Variants in FBXL17 observed in about 807,000 individuals in gnomAD.
The protein encoded by FBXL17 is F-box and leucine rich repeat protein 17.
Under a neutral mutation model 66.2 loss-of-function variants are expected in FBXL17, and 22 were observed. The observed-to-expected ratio is 0.33, with a 90% CI of 0.24 to 0.47. FBXL17 has a LOEUF of 0.47. Ranked by LOEUF, FBXL17 falls within the 20% of genes least tolerant of loss-of-function variation. The probability of loss-of-function intolerance (pLI) is 1.00; values close to 1 mark genes in which losing one functional copy is unlikely to be tolerated. For missense variants in FBXL17, 878 were observed against 948.2 expected (o/e 0.93, Z 0.97); for synonymous variants, 474 against 400.5 (o/e 1.18, Z -2.19).
chr5:107,956,117 C>T (rs1580245658), intron 7 of FBXL17, among the ~76,000 whole-genome samples: 1 of 152,072 alleles, frequency 6.6e-6, no homozygotes, highest in Admixed American at 6.6e-5. Context: ...AAGTCAATTT[C>T]TTTTTCCTTC....
At chr5:108,094,182 T>C (rs1481361530) in intron 6 of FBXL17, among the ~76,000 whole-genome samples, 1 of 152,140 alleles carries the variant, frequency 6.6e-6, no homozygotes, top group East Asian at 1.9e-4. Flanking sequence ...GTGTGCTCTT[T>C]TCAGTCATTG....
chr5:108,027,073 C>T (rs1754853659), intron 6 of FBXL17, among the ~76,000 whole-genome samples: 2 of 152,074 alleles, frequency 1.3e-5, no homozygotes, highest in Admixed American at 1.3e-4. Context: ...AAGTAATATA[C>T]CAACAAAATA....
At chr5:107,938,496 A>G (rs1750983941) in intron 7 of FBXL17, among the ~76,000 whole-genome samples, 2 of 152,168 alleles carry the variant, frequency 1.3e-5, no homozygotes, top group African/African-American at 4.8e-5. Context: ...TGTAGTCAGA[A>G]GAAGTAGCAT....
In FBXL17 at chr5:108,348,616, A is replaced by AT. The variant is rs1747432768; in HGVS notation, c.1375-87dup. On this transcript the variant is annotated intron_variant, in intron 3 of 8. Transcript: ENST00000542267. ...GAGATTTTCATATAATTTTTTGAAA[A>AT]TAACCACGTCAGAGTTAAATATTTA... 1.8e-5 allele frequency: 26 copies of AT among 1,411,154 alleles called. No homozygotes were observed. The East Asian group carries it at 6.2e-4, about 33-fold the overall frequency. The allele number at this position is 1,411,154 out of a possible 1,614,324, so 87.4% of individuals were successfully genotyped here.
intron 4 of FBXL17, among the ~76,000 whole-genome samples, chr5:108,285,763 G>A (rs1561507315): frequency 6.6e-6 from 1 of 151,432 alleles, no homozygotes; most frequent in Non-Finnish European, 1.5e-5. Context: ...CCTACAAACA[G>A]TGGACTTTAC....
At chr5:108,313,260 C>A (rs571777227) in intron 4 of FBXL17, among the ~76,000 whole-genome samples, 1 of 152,248 alleles carries the variant, frequency 6.6e-6, no homozygotes, top group African/African-American at 2.4e-5. Flanking sequence ...GTGATCACAA[C>A]TTCTCTGGAA....
At chr5:108,355,374 C>T (rs937928032) in intron 3 of FBXL17, among the ~76,000 whole-genome samples, 6 of 151,746 alleles carry the variant, frequency 4.0e-5, no homozygotes, top group Admixed American at 1.3e-4. Context: ...CTGCAACCTC[C>T]GCCTCCCAGG....
At chr5:107,897,979 G>A (rs1350760232) in intron 7 of FBXL17, among the ~76,000 whole-genome samples, 1 of 151,994 alleles carries the variant, frequency 6.6e-6, no homozygotes, top group Non-Finnish European at 1.5e-5. Context: ...CTGATCTTGG[G>A]GAAATTCAAG....
At chr5:108,301,405 A>G (rs145997959) in intron 4 of FBXL17, among the ~76,000 whole-genome samples, 2 of 151,858 alleles carry the variant, frequency 1.3e-5, no homozygotes, top group Non-Finnish European at 2.9e-5. Flanking sequence ...TAATTTTACT[A>G]AATTTATTTT....
At position 107,861,880 on chromosome 5, in the gene FBXL17, A is replaced by C; in HGVS notation, c.1966-20T>G. The stretch of plus-strand genomic sequence containing the variant: ...GTTGACCTGCAAACAAAGAAGAGTC[A>C]CCATCACGCACAGAGACCACCAACA... On this transcript the variant is annotated intron_variant, in intron 8 of 8. Transcript: ENST00000542267. The C allele has an allele frequency of 6.7e-7, 1 of 1,485,820 alleles. No homozygotes were observed. The highest frequency in any genetic ancestry group is 9.0e-7 in the Non-Finnish European group (1 of 1,107,424). 92.0% of individuals were successfully genotyped at this position (1,485,820 alleles called of 1,614,324 possible). A position where few individuals can be genotyped will look rare whatever the true frequency, so the allele number is the denominator to read the frequency against.
At chr5:108,132,023 C>A (rs1451258103) in intron 6 of FBXL17, among the ~76,000 whole-genome samples, 1 of 150,040 alleles carries the variant, frequency 6.7e-6, no homozygotes, top group African/African-American at 2.5e-5. Flanking sequence ...GTTGCCCAGG[C>A]TGGAGTGCAA....
chr5:108,356,799 G>C (rs764046782), intron 3 of FBXL17, among the ~76,000 whole-genome samples: 6 of 151,956 alleles, frequency 3.9e-5, no homozygotes, highest in African/African-American at 7.2e-5. Context: ...TACCAAGAGT[G>C]AACCCTAACA....
At chr5:108,203,194 T>G (rs1194695732) in intron 5 of FBXL17, among the ~76,000 whole-genome samples, 2 of 152,134 alleles carry the variant, frequency 1.3e-5, no homozygotes, top group Non-Finnish European at 2.9e-5. Flanking sequence ...CTTTTTTTTT[T>G]CATTGTTCAA....
intron 1 of FBXL17, among the ~76,000 whole-genome samples, chr5:108,380,388 A>T (rs73781345): frequency 0.048 from 7,227 of 151,958 alleles, 587 homozygotes; most frequent in African/African-American, 0.17. Context: ...CGATTAAAAA[A>T]TTTTTTTTTC....
chr5:108,238,543 T>C (rs534687776), intron 4 of FBXL17, among the ~76,000 whole-genome samples: 1 of 152,310 alleles, frequency 6.6e-6, no homozygotes, highest in Non-Finnish European at 1.5e-5. Context: ...CAGGGTCTCA[T>C]TCTGTCACCC....
chr5:107,948,958 C>T (rs868545490), intron 7 of FBXL17, among the ~76,000 whole-genome samples: 1 of 152,120 alleles, frequency 6.6e-6, no homozygotes, highest in African/African-American at 2.4e-5. Flanking sequence ...ACTAATGAAG[C>T]CTTTCTAAAA....
At chr5:108,297,683 T>TG (rs1017749204) in intron 4 of FBXL17, 1 of 261,952 alleles carries the variant, frequency 3.8e-6, no homozygotes, top group African/African-American at 2.3e-5. Context: ...TCTGAAACAT[T>TG]GCTTTCAAAA....
At chr5:107,916,568 T>C (rs564159007) in intron 7 of FBXL17, among the ~76,000 whole-genome samples, 3 of 151,752 alleles carry the variant, frequency 2.0e-5, no homozygotes, top group Admixed American at 6.7e-5. Context: ...TATTCAACAA[T>C]AAATAGACAT....
At chr5:108,005,093 C>CTTTT (rs35383958) in intron 7 of FBXL17, among the ~76,000 whole-genome samples, 2 of 143,754 alleles carry the variant, frequency 1.4e-5, no homozygotes, top group African/African-American at 5.1e-5. Flanking sequence ...TTTTCAATGA[C>CTTTT]TTTTTTTTTT....
Sources: gnomAD v4.1 joint callset for allele counts (sites outside exome capture counted in the v4.1 genomes callset) on GRCh38, gnomAD v4.1.1 for gene constraint, MANE v1.5 for transcripts, NCBI Gene and HGNC (gene_info 2026-07-23, HGNC 2026-07-21) for gene names.